The following ESR2 variants were observed in gnomAD, a reference collection of about 807,000 sequenced individuals.
The protein encoded by ESR2 is estrogen receptor beta.
ESR2 carries 36 observed loss-of-function variants against 49.6 expected under a neutral mutation model. The ratio of observed to expected loss-of-function variants is 0.73; its 90% CI spans 0.56 to 0.96. The LOEUF is 0.96. Ranked by LOEUF, ESR2 falls within the 40% of genes least tolerant of loss-of-function variation. ESR2 has a pLI of 0.00. For synonymous variants in ESR2, 320 were observed against 266.1 expected (o/e 1.20, Z -1.97); for missense variants, 714 against 693.0 (o/e 1.03, Z -0.34).
At chr14:64,280,680 T>G (rs1301202398) in intron 2 of ESR2, among the ~76,000 whole-genome samples, 2 of 152,220 alleles carry the variant, frequency 1.3e-5, no homozygotes, top group Non-Finnish European at 2.9e-5. Flanking sequence ...AACAAACATC[T>G]CACACTCTGC....
intron 1 of ESR2, among the ~76,000 whole-genome samples, chr14:64,323,604 T>A (rs1470059898): frequency 6.6e-6 from 1 of 152,238 alleles, no homozygotes; most frequent in African/African-American, 2.4e-5. Context: ...ATACACATAT[T>A]CAAAGGCAGA....
chr14:64,282,544 T>C (rs750444286), intron 2 of ESR2, 80 bp downstream of exon 2: 71 of 1,403,648 alleles, frequency 5.1e-5, no homozygotes, highest in Non-Finnish European at 6.8e-5. Flanking sequence ...TTGTCTAACA[T>C]ATTATTTCCT....
intron 6 of ESR2, among the ~76,000 whole-genome samples, chr14:64,254,205 A>C (rs961241626): frequency 6.6e-6 from 1 of 152,186 alleles, no homozygotes; most frequent in African/African-American, 2.4e-5. Flanking sequence ...CCACTTGAAG[A>C]AGCTCTGCTA....
intron 7 of ESR2, among the ~76,000 whole-genome samples, chr14:64,240,872 C>T (rs987277970): frequency 6.6e-6 from 1 of 151,992 alleles, no homozygotes; most frequent in Non-Finnish European, 1.5e-5. Flanking sequence ...TGGCCGGGCG[C>T]GGTGGCTCAC....
chr14:64,228,185 A>G, downstream of ESR2: 1 of 599,106 alleles, frequency 1.7e-6, no homozygotes, highest in Non-Finnish European at 2.6e-6. Context: ...GCCCTTTCCC[A>G]GGAAGACTAG....
At chr14:64,287,295 T>A (rs565571720) in intron 1 of ESR2, among the ~76,000 whole-genome samples, 2 of 152,130 alleles carry the variant, frequency 1.3e-5, no homozygotes, top group Admixed American at 1.3e-4. Context: ...TGAAACCAAC[T>A]ATCAGACCCC....
intron 3 of ESR2, among the ~76,000 whole-genome samples, chr14:64,275,018 T>A (rs757867656): frequency 5.9e-5 from 9 of 152,244 alleles, no homozygotes; most frequent in Admixed American, 2.6e-4. Flanking sequence ...GCCTAATATA[T>A]GGTATATCCT....
rs758290671 is a variant in ESR2 at position 64,228,688 on chromosome 14, G to A, written c.*4449C>T. 6.6e-5 allele frequency among the ~76,000 whole-genome samples: 10 copies of A among 152,342 alleles called. No individual in the cohort carries two copies. The highest frequency in any genetic ancestry group is 1.3e-4 in the Admixed American group (2 of 15,306). ...ATCCATTGTACAGTTAACAGGAACT[G>A]TTCGCGGCTGGTATCACCACTCCTT... On this transcript the variant is annotated 3_prime_UTR_variant, in exon 9 of 9. Coordinates refer to ENST00000341099, the MANE Select transcript of ESR2 (RefSeq NM_001437.3).
downstream of ESR2, chr14:64,227,810 A>G: frequency 6.4e-7 from 1 of 1,562,560 alleles, no homozygotes; most frequent in Non-Finnish European, 8.6e-7. Flanking sequence ...AAACTCTTTT[A>G]TGAGGTAGTC....
chr14:64,307,064 T>A (rs981947497), intron 1 of ESR2, among the ~76,000 whole-genome samples: 3 of 152,166 alleles, frequency 2.0e-5, no homozygotes, highest in Non-Finnish European at 4.4e-5. Flanking sequence ...TAAAAAGTTT[T>A]TCATAATATT....
At chr14:64,301,657 C>T (rs1050482974) in intron 1 of ESR2, 1 of 152,192 alleles carries the variant, frequency 6.6e-6, no homozygotes, top group African/African-American at 2.4e-5. Context: ...GGAACCCAGG[C>T]TTGGAGTTCC....
At chr14:64,238,763 AAAAAC>A (rs2075660349) in intron 7 of ESR2, among the ~76,000 whole-genome samples, 1 of 152,004 alleles carries the variant, frequency 6.6e-6, no homozygotes, top group African/African-American at 2.4e-5. Flanking sequence ...TTTAAAAAAA[AAAAAC>A]AAAAAAAACC....
At chr14:64,297,337 T>C (rs571053977), upstream of ESR2, among the ~76,000 whole-genome samples, 6 of 152,284 alleles carry the variant, frequency 3.9e-5, no homozygotes, top group East Asian at 1.2e-3. Flanking sequence ...AGGAAGTCAA[T>C]GTAGTACAGG....
rs569392141 is a variant in ESR2 at position 64,278,228 on chromosome 14, C to T, written c.535+1753G>A. 2.6e-5 allele frequency among the ~76,000 whole-genome samples: 4 copies of T among 152,270 alleles called. No individual in the cohort carries two copies. The South Asian group carries it at 8.3e-4, about 32-fold the overall frequency. On this transcript the variant is annotated intron_variant, in intron 3 of 8. Coordinates refer to ENST00000341099, the MANE Select transcript of ESR2 (RefSeq NM_001437.3). The stretch of plus-strand genomic sequence containing the variant: ...ACTGAATATGTTTTCATATAATCAA[C>T]CTTATTTCATCTTTAGAAAATCCCT...
At chr14:64,272,028 A>G (rs888608136) in intron 3 of ESR2, among the ~76,000 whole-genome samples, 2 of 152,222 alleles carry the variant, frequency 1.3e-5, no homozygotes, top group African/African-American at 2.4e-5. Context: ...CCAACAGTAT[A>G]CCAGGGTTCC....
At chr14:64,310,391 T>C (rs2077173782) in intron 1 of ESR2, among the ~76,000 whole-genome samples, 1 of 151,692 alleles carries the variant, frequency 6.6e-6, no homozygotes, top group East Asian at 1.9e-4. Context: ...GTTCTTTCCA[T>C]TGATTATGTA....
At chr14:64,288,064 C>G (rs568261691) in intron 1 of ESR2, among the ~76,000 whole-genome samples, 68 of 152,198 alleles carry the variant, frequency 4.5e-4, no homozygotes, top group African/African-American at 1.6e-3. Flanking sequence ...TGGTCCATAT[C>G]CTGGGTGGTG....
rs76869457 is a variant in ESR2, at chr14:64,244,745, A to C, written c.1225+4801T>G. On this transcript the variant is annotated intron_variant, in intron 7 of 8. Transcript: ENST00000341099. ...CTGGTTCACTAGCATGCAGACGCAT[A>C]TCATGTGACTTCTCAGCCTTCATAA... 9.0e-3 allele frequency among the ~76,000 whole-genome samples: 1,366 copies of C among 152,328 alleles called. 12 individuals carry two copies. Among genetic ancestry groups the C allele is most frequent in the South Asian group, 0.023 (112 of 4,820 alleles).
chr14:64,277,625 CAA>C (rs55742946), intron 3 of ESR2, among the ~76,000 whole-genome samples: 13 of 92,322 alleles, frequency 1.4e-4, no homozygotes, highest in African/African-American at 1.6e-4. Context: ...ACTCCATCTC[CAA>C]AAAAAAAAAA....
Sources: gnomAD v4.1 joint callset for allele counts (sites outside exome capture counted in the v4.1 genomes callset) on GRCh38, gnomAD v4.1.1 for gene constraint, MANE v1.5 for transcripts, NCBI Gene and HGNC (gene_info 2026-07-23, HGNC 2026-07-21) for gene names.